Variants in NME7 observed in about 807,000 individuals in gnomAD.
The protein encoded by NME7 is NME/NM23 family member 7, also known as nucleoside diphosphate kinase 7.
In NME7, 41 loss-of-function variants were observed where a neutral mutation model predicts 49.1. The ratio of observed to expected loss-of-function variants is 0.83; its 90% CI spans 0.65 to 1.08. The LOEUF (loss-of-function observed/expected upper bound fraction) is 1.08. Ranked by LOEUF, NME7 falls within the 50% of genes least tolerant of loss-of-function variation. NME7 has a pLI of 0.00. For synonymous variants in NME7, 139 were observed against 150.6 expected (o/e 0.92, Z 0.56); for missense variants, 423 against 463.4 (o/e 0.91, Z 0.80).
At chr1:169,156,938 T>C (rs1378627081) in intron 11 of NME7, among the ~76,000 whole-genome samples, 3 of 152,218 alleles carry the variant, frequency 2.0e-5, no homozygotes, top group Non-Finnish European at 4.4e-5. Context: ...AATATCAGGT[T>C]TGAGAAGGAA....
intron 1 of NME7, among the ~76,000 whole-genome samples, chr1:169,350,241 A>AAGGAAGGAAG (rs1553196985): frequency 0.039 from 143 of 3,706 alleles, no homozygotes; most frequent in Non-Finnish European, 0.06. Context: ...AAAGAAAGAA[A>AAGGAAGGAAG]GAAAGAAGGA....
At chr1:169,165,107 T>C (rs1659371173) in intron 11 of NME7, among the ~76,000 whole-genome samples, 1 of 152,172 alleles carries the variant, frequency 6.6e-6, no homozygotes, top group Non-Finnish European at 1.5e-5. Context: ...ATAAATACCA[T>C]AATTTATTCC....
chr1:169,335,467 C>T (rs1397125138), intron 1 of NME7, among the ~76,000 whole-genome samples: 1 of 151,696 alleles, frequency 6.6e-6, no homozygotes, highest in African/African-American at 2.4e-5. Context: ...AACAGAAAAC[C>T]AAATACTACA....
chr1:169,318,791 GAA>G (rs1294514871), intron 3 of NME7, among the ~76,000 whole-genome samples: 2 of 151,966 alleles, frequency 1.3e-5, no homozygotes, highest in Non-Finnish European at 2.9e-5. Flanking sequence ...AAAGGGCCAT[GAA>G]CAGAACCCTG....
intron 1 of NME7, among the ~76,000 whole-genome samples, chr1:169,352,621 CA>C (rs1653219265): frequency 2.0e-5 from 3 of 151,946 alleles, no homozygotes; most frequent in South Asian, 4.1e-4. Flanking sequence ...AGGAAGAAGT[CA>C]AAGAATCTTT....
At chr1:169,180,247 A>C (rs1436512076) in intron 10 of NME7, among the ~76,000 whole-genome samples, 1 of 152,166 alleles carries the variant, frequency 6.6e-6, no homozygotes, top group African/African-American at 2.4e-5. Flanking sequence ...AGTAGATATA[A>C]TCATTGTCTT....
At chr1:169,283,019 T>G (rs186120593) in intron 7 of NME7, among the ~76,000 whole-genome samples, 143 of 152,266 alleles carry the variant, frequency 9.4e-4, no homozygotes, top group Middle Eastern at 3.4e-3. Flanking sequence ...TTCTATCTCG[T>G]TGATCTGTCT....
intron 11 of NME7, among the ~76,000 whole-genome samples, chr1:169,157,463 C>T (rs1323902456): frequency 6.6e-6 from 1 of 152,184 alleles, no homozygotes; most frequent in African/African-American, 2.4e-5. Flanking sequence ...AAACCCAGGG[C>T]CTCTGCCCTT....
chr1:169,339,710 C>A (rs1289139252), intron 1 of NME7, among the ~76,000 whole-genome samples: 1 of 152,164 alleles, frequency 6.6e-6, no homozygotes, highest in Non-Finnish European at 1.5e-5. Context: ...CAGACCTTCA[C>A]TCTGCTCTTC....
intron 7 of NME7, among the ~76,000 whole-genome samples, chr1:169,243,231 C>T (rs1648166005): frequency 6.6e-6 from 1 of 151,910 alleles, no homozygotes; most frequent in South Asian, 2.1e-4. Flanking sequence ...CAAAATAGAA[C>T]CACACAAATA....
chr1:169,250,217 CT>C (rs965795022), intron 7 of NME7, among the ~76,000 whole-genome samples: 7 of 151,890 alleles, frequency 4.6e-5, no homozygotes, highest in African/African-American at 1.7e-4. Flanking sequence ...TTTATGTTTC[CT>C]GGAATTTATC....
intron 11 of NME7, among the ~76,000 whole-genome samples, chr1:169,133,120 TAA>T (rs1006463262): frequency 2.6e-5 from 4 of 152,224 alleles, no homozygotes; most frequent in Non-Finnish European, 5.9e-5. Flanking sequence ...CTTCAGTTTT[TAA>T]AAAATGAGGT....
intron 10 of NME7, among the ~76,000 whole-genome samples, chr1:169,173,633 T>G (rs1659666864): frequency 6.6e-6 from 1 of 152,032 alleles, no homozygotes; most frequent in South Asian, 2.1e-4. Context: ...AATATTGAAA[T>G]ACTAAAAAAT....
chr1:169,179,451 T>A (rs926677740), intron 10 of NME7, among the ~76,000 whole-genome samples: 4 of 152,200 alleles, frequency 2.6e-5, no homozygotes, highest in Non-Finnish European at 4.4e-5. Context: ...AGCAATCCCA[T>A]TACTGGGTAT....
At chr1:169,231,432 C>G (rs12125057) in intron 9 of NME7, among the ~76,000 whole-genome samples, 1 of 151,980 alleles carries the variant, frequency 6.6e-6, no homozygotes, top group African/African-American at 2.4e-5. Context: ...CAGAGCCCAA[C>G]GTTCTCTGAG....
At chr1:169,308,754 T>C (rs899275226) in intron 4 of NME7, among the ~76,000 whole-genome samples, 6 of 152,066 alleles carry the variant, frequency 3.9e-5, no homozygotes, top group Admixed American at 3.3e-4. Flanking sequence ...GGGGTTAGAG[T>C]TACTTACTTC....
At chr1:169,330,854 G>A (rs1179109279) in intron 1 of NME7, among the ~76,000 whole-genome samples, 1 of 151,838 alleles carries the variant, frequency 6.6e-6, no homozygotes, top group Non-Finnish European at 1.5e-5. Context: ...AAAACCTAAA[G>A]AGACCAATAA....
At chr1:169,208,670 C>A (rs886512044) in intron 10 of NME7, among the ~76,000 whole-genome samples, 3 of 152,016 alleles carry the variant, frequency 2.0e-5, no homozygotes, top group African/African-American at 7.2e-5. Flanking sequence ...ATTCAAAGAG[C>A]CATTTCATTT....
At chr1:169,207,494 C>T (rs3820057) in intron 10 of NME7, among the ~76,000 whole-genome samples, 6,587 of 152,098 alleles carry the variant, frequency 0.043, 208 homozygotes, top group East Asian at 0.12. Flanking sequence ...TCAGGGTACA[C>T]CCAAGGGGGA....
Sources: gnomAD v4.1 joint callset for allele counts (sites outside exome capture counted in the v4.1 genomes callset) on GRCh38, gnomAD v4.1.1 for gene constraint, MANE v1.5 for transcripts, NCBI Gene and HGNC (gene_info 2026-07-23, HGNC 2026-07-21) for gene names.